The following NFIX variants were observed in gnomAD, a reference collection of about 807,000 sequenced individuals.
NFIX encodes nuclear factor 1 X-type.
In NFIX, 2 loss-of-function variants were observed where a neutral mutation model predicts 53.3. The observed-to-expected ratio is 0.04, with a 90% CI of 0.02 to 0.12. The LOEUF (loss-of-function observed/expected upper bound fraction) is 0.12. Among genes scored for constraint, NFIX ranks in the 10% least tolerant of loss-of-function variants. The pLI is 1.00. For missense variants in NFIX, 310 were observed against 674.5 expected (o/e 0.46, Z 5.99); for synonymous variants, 244 against 289.0 (o/e 0.84, Z 1.58).
intron 2 of NFIX, among the ~76,000 whole-genome samples, chr19:13,050,313 G>T (rs1030743379): frequency 1.3e-5 from 2 of 152,208 alleles, no homozygotes; most frequent in African/African-American, 4.8e-5. Flanking sequence ...ATCTGGCATG[G>T]TCCCTTCCCC....
chr19:13,066,445 T>A lies in NFIX; in HGVS notation c.560-6602T>A, dbSNP rs2016407253. ...CACATGTGGGTGTCACTCGGTTTCTTCCTCTTTCCTGTCACTTATCCCCTC... is the reference window on the plus strand; with the variant it reads ...CACATGTGGGTGTCACTCGGTTTCTACCTCTTTCCTGTCACTTATCCCCTC... On this transcript the variant is annotated intron_variant, in intron 2 of 10. Transcript: ENST00000592199. The surrounding 1 kb of genome is among the most constrained non-coding windows in gnomAD (Gnocchi z 4.2). Among the ~76,000 whole-genome samples, 1 of 152,042 alleles carries A rather than the reference T, an allele frequency of 6.6e-6. No individual in the cohort carries two copies. Among genetic ancestry groups the A allele is most frequent in the African/African-American group, 2.4e-5 (1 of 41,404 alleles).
At position 13,094,591 on chromosome 19, in the gene NFIX, G is replaced by A; in HGVS notation, c.1495-44G>A. 2.0e-6 allele frequency: 3 copies of A among 1,535,150 alleles called. No homozygotes were observed. Among genetic ancestry groups the A allele is most frequent in the Non-Finnish European group, 2.6e-6 (3 of 1,146,146 alleles). The stretch of plus-strand genomic sequence containing the variant: ...GCCAGGTAGGAGTGAGATGGGACCT[G>A]CCCCAGCTGTTCTCAGTATCGCCTC... On this transcript the variant is annotated intron_variant, in intron 10 of 10. Coordinates refer to ENST00000592199, the MANE Select transcript of NFIX (RefSeq NM_001365902.3). This position sits in a 1 kb window ranked among gnomAD's most constrained non-coding sequence, Gnocchi z 4.3.
At chr19:13,055,374 AGG>A (rs1408446017) in intron 2 of NFIX, among the ~76,000 whole-genome samples, 2 of 152,052 alleles carry the variant, frequency 1.3e-5, no homozygotes, top group Non-Finnish European at 2.9e-5. Flanking sequence ...CCGCAGGGTG[AGG>A]GTCCCCCGAG....
Position 13,094,594 on chromosome 19 carries a change from C to A in NFIX, c.1495-41C>A. 2.0e-6 allele frequency: 3 copies of A among 1,535,496 alleles called. No homozygotes were observed. The highest frequency in any genetic ancestry group is 2.6e-6 in the Non-Finnish European group (3 of 1,146,444). On this transcript the variant is annotated intron_variant, in intron 10 of 10. Transcript: ENST00000592199. This position sits in a 1 kb window ranked among gnomAD's most constrained non-coding sequence, Gnocchi z 4.3. Reference sequence around the variant, plus strand: ...AGGTAGGAGTGAGATGGGACCTGCCCCAGCTGTTCTCAGTATCGCCTCTTT... The same window carrying A: ...AGGTAGGAGTGAGATGGGACCTGCCACAGCTGTTCTCAGTATCGCCTCTTT...
chr19:13,023,090 C>CTCTCTCTCTG (rs1469039669), intron 1 of NFIX, among the ~76,000 whole-genome samples: 5 of 150,940 alleles, frequency 3.3e-5, no homozygotes, highest in African/African-American at 7.3e-5. Flanking sequence ...CTCTCTCTCT[C>CTCTCTCTCTG]TCTCTCTGTC....
At chr19:13,018,386 G>T (rs911767242) in intron 1 of NFIX, among the ~76,000 whole-genome samples, 2 of 148,082 alleles carry the variant, frequency 1.4e-5, no homozygotes, top group Non-Finnish European at 3.0e-5. Context: ...CGGCCTGGCT[G>T]TGAGGCAGAC....
rs755421008 is a variant in NFIX, at chr19:13,073,118, C to A, written c.622+9C>A. ...CAAACCACTGCCCAACGGTCAGTGC[C>A]CCCCACCTGCCCAGCTGCCCTTATC... On this transcript the variant is annotated intron_variant, in intron 3 of 10. Transcript: ENST00000592199. This position sits in a 1 kb window ranked among gnomAD's most constrained non-coding sequence, Gnocchi z 4.5. 1.2e-6 allele frequency: 2 copies of A among 1,613,386 alleles called. No individual in the cohort carries two copies. The highest frequency in any genetic ancestry group is 8.5e-7 in the Non-Finnish European group (1 of 1,179,428).
chr19:13,040,846 A>G lies in NFIX; in HGVS notation c.559+15294A>G, dbSNP rs189324926. On this transcript the variant is annotated intron_variant, in intron 2 of 10. Coordinates refer to ENST00000592199, the MANE Select transcript of NFIX (RefSeq NM_001365902.3). This position sits in a 1 kb window ranked among gnomAD's most constrained non-coding sequence, Gnocchi z 4.2. ...GCTGCTGTACCTTTGCTTGCCTCGGATCTTAGAACTGTTTCCAGTAGTTTT... is the reference window on the plus strand; with the variant it reads ...GCTGCTGTACCTTTGCTTGCCTCGGGTCTTAGAACTGTTTCCAGTAGTTTT... 6.4e-4 allele frequency among the ~76,000 whole-genome samples: 98 copies of G among 152,262 alleles called. No individual in the cohort carries two copies. The South Asian group carries it at 7.9e-3, about 12-fold the overall frequency.
At chr19:13,008,509 C>T (rs910165128) in intron 1 of NFIX, among the ~76,000 whole-genome samples, 6 of 152,186 alleles carry the variant, frequency 3.9e-5, no homozygotes, top group Admixed American at 3.3e-4. Flanking sequence ...CCCATGCTGA[C>T]GTTACTCGCT....
In NFIX at chr19:13,043,156, G is replaced by A. The variant is rs144473876; in HGVS notation, c.559+17604G>A. ...GCATCAGCTCACACATTCCTTGATG[G>A]ACACATGGTGTTACCCAGTGTAAAA... is the stretch of plus-strand genomic sequence containing the variant. On this transcript the variant is annotated intron_variant, in intron 2 of 10. Transcript: ENST00000592199. This position sits in a 1 kb window ranked among gnomAD's most constrained non-coding sequence, Gnocchi z 4.0. 5.9e-3 allele frequency among the ~76,000 whole-genome samples: 891 copies of A among 152,284 alleles called. 4 individuals are homozygous for A. Among genetic ancestry groups the A allele is most frequent in the Non-Finnish European group, 0.01 (684 of 68,012 alleles).
rs2014510651 is a variant in NFIX at position 13,040,078 on chromosome 19, T to C, written c.559+14526T>C. 6.6e-6 allele frequency among the ~76,000 whole-genome samples: 1 copy of C among 151,988 alleles called. No homozygotes were observed. Among genetic ancestry groups the C allele is most frequent in the African/African-American group, 2.4e-5 (1 of 41,364 alleles). ...TGGCAGGCAAGTGAGAAGCTGTGGG[T>C]TAATGGGTTCAAAGAGACTTGGTTT... On this transcript the variant is annotated intron_variant, in intron 2 of 10. Transcript: ENST00000592199. This position sits in a 1 kb window ranked among gnomAD's most constrained non-coding sequence, Gnocchi z 4.2.
At chr19:13,057,090 A>G (rs1599803916) in intron 2 of NFIX, among the ~76,000 whole-genome samples, 1 of 152,246 alleles carries the variant, frequency 6.6e-6, no homozygotes, top group African/African-American at 2.4e-5. Flanking sequence ...TTCAGTGCTT[A>G]GAGAGTCTCA....
chr19:13,003,426 A>G (rs1054886495), intron 1 of NFIX, among the ~76,000 whole-genome samples: 12 of 152,284 alleles, frequency 7.9e-5, no homozygotes, highest in African/African-American at 2.9e-4. Context: ...GCAGCCCCAC[A>G]GGCACAGCTA....
Position 12,996,965 on chromosome 19 carries a change from T to TC in NFIX, c.27+1101_27+1102insC, listed in dbSNP as rs1175580411. Among the ~76,000 whole-genome samples, 1 of 152,222 alleles carries TC rather than the reference T, an allele frequency of 6.6e-6. No homozygotes were observed. Among genetic ancestry groups the TC allele is most frequent in the African/African-American group, 2.4e-5 (1 of 41,448 alleles). The stretch of plus-strand genomic sequence containing the variant: ...CCACAGTGGCCCTGACAGCGTTGCC[T>TC]GCAGGGCCAAGCCACAGCTGGTAAC... On this transcript the variant is annotated intron_variant, in intron 1 of 10. Transcript: ENST00000592199. This position sits in a 1 kb window ranked among gnomAD's most constrained non-coding sequence, Gnocchi z 5.2.
intron 2 of NFIX, among the ~76,000 whole-genome samples, chr19:13,059,366 C>G (rs1355403897): frequency 6.6e-6 from 1 of 152,184 alleles, no homozygotes; most frequent in African/African-American, 2.4e-5. Flanking sequence ...CAGCACAGGG[C>G]CTGGGGAGGC....
rs1366320936 is a variant in NFIX at position 13,096,353 on chromosome 19, C to T, written c.*1704C>T. On this transcript the variant is annotated 3_prime_UTR_variant, in exon 11 of 11. Coordinates refer to ENST00000592199, the MANE Select transcript of NFIX (RefSeq NM_001365902.3). Reference sequence around the variant, plus strand: ...TTGTGAGGCTGTGGCCCCGAGCTGGCGGAGGGAGGGAAGAGGAGGGAGTGA... The same window carrying T: ...TTGTGAGGCTGTGGCCCCGAGCTGGTGGAGGGAGGGAAGAGGAGGGAGTGA... 2.0e-5 allele frequency: 3 copies of T among 152,090 alleles called. No individual in the cohort carries two copies. The highest frequency in any genetic ancestry group is 2.9e-5 in the Non-Finnish European group (2 of 68,022). The allele number at this position is 152,090 out of a possible 1,614,324, so 9.4% of individuals were successfully genotyped here.
chr19:13,016,993 C>T (rs1478342689), intron 1 of NFIX, among the ~76,000 whole-genome samples: 1 of 152,120 alleles, frequency 6.6e-6, no homozygotes, highest in Non-Finnish European at 1.5e-5. Context: ...ACTAGTGAAC[C>T]GTGATTCAAC....
chr19:13,030,194 G>A (rs1263615067), intron 2 of NFIX, among the ~76,000 whole-genome samples: 1 of 152,200 alleles, frequency 6.6e-6, no homozygotes, highest in East Asian at 1.9e-4. Flanking sequence ...CCTAAAATTA[G>A]CAGGATCTAC....
At chr19:13,053,591 C>A (rs2015461912) in intron 2 of NFIX, among the ~76,000 whole-genome samples, 1 of 152,156 alleles carries the variant, frequency 6.6e-6, no homozygotes, top group African/African-American at 2.4e-5. Context: ...CCCTCCAGCC[C>A]ATCCTCCATC....
Sources: allele counts gnomAD v4.1 joint callset (sites outside exome capture counted in the v4.1 genomes callset), GRCh38; gene constraint gnomAD v4.1.1; non-coding constraint Gnocchi (gnomAD v3.1); transcripts MANE v1.5; gene names NCBI Gene and HGNC (gene_info 2026-07-23, HGNC 2026-07-21).